KIF13B: variants seen among roughly 807,000 people sequenced by gnomAD.
KIF13B encodes kinesin family member 13B.
In KIF13B, 127 loss-of-function variants were observed where a neutral mutation model predicts 222.0. The ratio of observed to expected loss-of-function variants is 0.57; its 90% CI spans 0.50 to 0.66. KIF13B has a LOEUF of 0.66. Among genes scored for constraint, KIF13B ranks in the 30% least tolerant of loss-of-function variants. KIF13B has a pLI of 0.00. For missense variants in KIF13B, 2,173 were observed against 2,379.0 expected, an observed-to-expected ratio of 0.91 and a Z score of 1.80; for synonymous variants, 976 against 919.0, an observed-to-expected ratio of 1.06 and a Z score of -1.12.
At chr8:29,180,050 A>C in intron 8 of KIF13B, 54 bp downstream of exon 8, 3 of 1,598,740 alleles carry the variant, frequency 1.9e-6, no homozygotes, top group Non-Finnish European at 2.6e-6. Flanking sequence ...GAAAAAAATA[A>C]AACCACAATC....
intron 21 of KIF13B, among the ~76,000 whole-genome samples, chr8:29,138,821 C>G (rs577565922): frequency 1.4e-4 from 21 of 152,214 alleles, no homozygotes; most frequent in South Asian, 1.2e-3. Context: ...TGAGAGAGCA[C>G]GAGCATACCA....
chr8:29,209,413 C>T (rs1002844325), intron 2 of KIF13B, among the ~76,000 whole-genome samples: 1 of 152,152 alleles, frequency 6.6e-6, no homozygotes, highest in Non-Finnish European at 1.5e-5. Context: ...AAAGAACAAG[C>T]TCCTCCCACC....
At chr8:29,106,402 C>G (rs902532390) in intron 35 of KIF13B, among the ~76,000 whole-genome samples, 3 of 152,100 alleles carry the variant, frequency 2.0e-5, no homozygotes, top group Non-Finnish European at 4.4e-5. Context: ...GAGGCCAAGG[C>G]GGACAGATCA....
intron 11 of KIF13B, among the ~76,000 whole-genome samples, chr8:29,166,441 G>A (rs1385937906): frequency 6.6e-6 from 1 of 152,192 alleles, no homozygotes; most frequent in Non-Finnish European, 1.5e-5. Context: ...GCTCACGCCT[G>A]TAATCCCAGC....
chr8:29,236,323 G>T (rs1815505296), intron 2 of KIF13B, among the ~76,000 whole-genome samples: 1 of 152,064 alleles, frequency 6.6e-6, no homozygotes, highest in South Asian at 2.1e-4. Context: ...AAATAATATG[G>T]GGAAGAAGAC....
At chr8:29,225,624 A>G (rs1164963123) in intron 2 of KIF13B, among the ~76,000 whole-genome samples, 2 of 152,238 alleles carry the variant, frequency 1.3e-5, no homozygotes, top group Non-Finnish European at 2.9e-5. Context: ...ATAAAAGTTC[A>G]GTGTTTCTAA....
chr8:29,146,545 A>C lies in KIF13B; in HGVS notation c.2025-5T>G. ...CTGTTATTCAACGTTGCTTCTCTAA[A>C]AAAAAATAAAGAAGCGGCAGAGGTA... On this transcript the variant is annotated splice_region_variant and splice_polypyrimidine_tract_variant and intron_variant, in intron 17 of 39. Coordinates refer to ENST00000524189, the MANE Select transcript of KIF13B (RefSeq NM_015254.4). 6.2e-7 allele frequency: 1 copy of C among 1,611,628 alleles called. No homozygotes were observed. Among genetic ancestry groups the C allele is most frequent in the Non-Finnish European group, 8.5e-7 (1 of 1,179,192 alleles).
intron 4 of KIF13B, chr8:29,190,138 C>T (rs1274925232): frequency 2.6e-5 from 4 of 152,202 alleles, no homozygotes; most frequent in Non-Finnish European, 5.9e-5. Flanking sequence ...CCTCCTTTTA[C>T]CTGCCGGAGG....
rs1237304764 is a variant in KIF13B, at chr8:29,147,493, C to T, written c.1923G>A (p.Arg641=). Residue 641 remains arginine (R), a synonymous_variant, in exon 17 of 40, where the codon CGG becomes CGA. Coordinates refer to ENST00000524189, the MANE Select transcript of KIF13B (RefSeq NM_015254.4). ...TCTGCTTCTCAGGAGACAGCCTTCT[C>T]CGGAGCTGCTCCAATTCGTGCTCAT... is the stretch of plus-strand genomic sequence containing the variant. ...LMYEHELEQL[R]RRLSPEKQNC... 5 of 1,613,514 alleles carry T rather than the reference C, an allele frequency of 3.1e-6. No individual in the cohort carries two copies. The African/African-American group carries it at 6.7e-5, about 22-fold the overall frequency.
intron 31 of KIF13B, 148 bp from the exon 32 acceptor site, chr8:29,113,703 G>A (rs140942210): frequency 4.1e-5 from 27 of 653,920 alleles, no homozygotes; most frequent in African/African-American, 9.2e-5. Context: ...CACCAAGTAC[G>A]GTTTCTTCAT....
At chr8:29,097,843 G>A (rs1808604289) in intron 36 of KIF13B, among the ~76,000 whole-genome samples, 1 of 151,998 alleles carries the variant, frequency 6.6e-6, no homozygotes. Context: ...ATAAAAAGAA[G>A]GAACATCACA....
At chr8:29,233,912 T>C (rs901842335) in intron 2 of KIF13B, among the ~76,000 whole-genome samples, 5 of 152,250 alleles carry the variant, frequency 3.3e-5, no homozygotes, top group African/African-American at 1.2e-4. Flanking sequence ...CATTATATGT[T>C]AATATAAACA....
intron 2 of KIF13B, among the ~76,000 whole-genome samples, chr8:29,217,563 C>T (rs1258055160): frequency 6.6e-6 from 1 of 152,322 alleles, no homozygotes; most frequent in African/African-American, 2.4e-5. Flanking sequence ...TTTCTTCTAT[C>T]TCACTGATCC....
chr8:29,168,292 T>A (rs1222002499), intron 10 of KIF13B, among the ~76,000 whole-genome samples: 1 of 152,140 alleles, frequency 6.6e-6, no homozygotes, highest in Non-Finnish European at 1.5e-5. Context: ...CCGACTGGCT[T>A]CCAACAGAAT....
chr8:29,176,948 A>C (rs1812506023), intron 9 of KIF13B, among the ~76,000 whole-genome samples: 1 of 152,234 alleles, frequency 6.6e-6, no homozygotes. Context: ...GAAAAGCTCA[A>C]CGTGGTTAGT....
At chr8:29,144,280 A>G (rs1026188456) in intron 18 of KIF13B, among the ~76,000 whole-genome samples, 1 of 152,076 alleles carries the variant, frequency 6.6e-6, no homozygotes, top group East Asian at 1.9e-4. Flanking sequence ...TTTTTAATTG[A>G]GACAGAGTCT....
intron 14 of KIF13B, among the ~76,000 whole-genome samples, chr8:29,153,383 A>T (rs1466172758): frequency 6.6e-6 from 1 of 152,230 alleles, no homozygotes; most frequent in East Asian, 1.9e-4. Context: ...TAGCAAGGAA[A>T]ATGATCACAT....
At position 29,191,067 on chromosome 8, in the gene KIF13B, A is replaced by G; in HGVS notation, c.163-10T>C. ...GATCATAAGCAAACACCTGTTGAAA[A>G]TGAACATAAGTGTGTGTTAAGAAAA... is the stretch of plus-strand genomic sequence containing the variant. On this transcript the variant is annotated splice_polypyrimidine_tract_variant and intron_variant, in intron 3 of 39. Transcript: ENST00000524189. 6.2e-7 allele frequency: 1 copy of G among 1,603,296 alleles called. No homozygotes were observed. The highest frequency in any genetic ancestry group is 8.5e-7 in the Non-Finnish European group (1 of 1,173,480).
At chr8:29,187,970 C>G (rs1373340742) in intron 5 of KIF13B, among the ~76,000 whole-genome samples, 1 of 152,140 alleles carries the variant, frequency 6.6e-6, no homozygotes, top group African/African-American at 2.4e-5. Context: ...CCGCCTGGCC[C>G]CAGCTTTCTG....
Sources: allele counts gnomAD v4.1 joint callset (sites outside exome capture counted in the v4.1 genomes callset), GRCh38; gene constraint gnomAD v4.1.1; transcripts MANE v1.5; gene names NCBI Gene and HGNC (gene_info 2026-07-23, HGNC 2026-07-21).